Variants in GALNT10 observed in about 807,000 individuals in gnomAD.
The protein encoded by GALNT10 is GalNAc transferase 10.
Under a neutral mutation model 75.0 loss-of-function variants are expected in GALNT10, and 41 were observed. That is an observed-to-expected ratio of 0.55 (90% CI 0.43 to 0.71). GALNT10 has a LOEUF of 0.71. Ranked by LOEUF, GALNT10 falls within the 30% of genes least tolerant of loss-of-function variation. The pLI, the probability that GALNT10 is intolerant of heterozygous loss-of-function variation, is 0.00. For missense variants in GALNT10, 727 were observed against 818.5 expected, an observed-to-expected ratio of 0.89 and a Z score of 1.36; for synonymous variants, 302 against 313.0, an observed-to-expected ratio of 0.96 and a Z score of 0.37.
chr5:154,334,429 G>C (rs1475423731), intron 4 of GALNT10, among the ~76,000 whole-genome samples: 1 of 152,244 alleles, frequency 6.6e-6, no homozygotes, highest in African/African-American at 2.4e-5. Flanking sequence ...ATGTGGAAGG[G>C]AAAGATGGGC....
At chr5:154,199,381 A>G (rs919654664) in intron 1 of GALNT10, among the ~76,000 whole-genome samples, 1 of 152,038 alleles carries the variant, frequency 6.6e-6, no homozygotes, top group Non-Finnish European at 1.5e-5. Flanking sequence ...GTGCTTCAGG[A>G]CCCGCCCTTG....
At chr5:154,329,384 A>C in intron 3 of GALNT10, 188 bp from the exon 4 acceptor site, 1 of 597,996 alleles carries the variant, frequency 1.7e-6, no homozygotes. Flanking sequence ...GTATATGCAG[A>C]GATTGGAGGT....
At chr5:154,316,463 G>A (rs1754594865) in intron 3 of GALNT10, among the ~76,000 whole-genome samples, 1 of 152,218 alleles carries the variant, frequency 6.6e-6, no homozygotes, top group South Asian at 2.1e-4. Flanking sequence ...TTGATGGCAA[G>A]GCACAGGCCT....
At chr5:154,212,907 G>A (rs958457018) in intron 1 of GALNT10, among the ~76,000 whole-genome samples, 1 of 150,792 alleles carries the variant, frequency 6.6e-6, no homozygotes, top group African/African-American at 2.4e-5. Flanking sequence ...GGCGGAGCTT[G>A]CAGTGAGCGG....
At chr5:154,368,383 A>G (rs1188279252) in intron 4 of GALNT10, among the ~76,000 whole-genome samples, 1 of 152,192 alleles carries the variant, frequency 6.6e-6, no homozygotes, top group Non-Finnish European at 1.5e-5. Context: ...TGGCTGGTTG[A>G]TATTGAATTG....
In GALNT10 at chr5:154,190,935, C is replaced by T; in HGVS notation, c.69C>T (p.Pro23=). ...ALVLAALVLL[P]NVGLWALYRE... ...TGCTGGCGGCCCTGGTCCTCCTGCC[C>T]AACGTGGGGCTTTGGGCGCTGTACC... Residue 23 remains proline (P), a synonymous_variant, in exon 1 of 12, where the codon CCC becomes CCT. Coordinates refer to ENST00000297107, the MANE Select transcript of GALNT10 (RefSeq NM_198321.4). 5.3e-6 allele frequency: 8 copies of T among 1,507,706 alleles called. No individual in the cohort carries two copies. Among genetic ancestry groups the T allele is most frequent in the Non-Finnish European group, 7.1e-6 (8 of 1,130,472 alleles). 93.4% of individuals were successfully genotyped at this position (1,507,706 alleles called of 1,614,324 possible).
chr5:154,324,829 C>G (rs575472854), intron 3 of GALNT10, among the ~76,000 whole-genome samples: 2 of 152,140 alleles, frequency 1.3e-5, no homozygotes, highest in African/African-American at 4.8e-5. Context: ...CTCTTCTGAA[C>G]TAAAGCTAAA....
intron 4 of GALNT10, among the ~76,000 whole-genome samples, chr5:154,359,834 C>T (rs1755355460): frequency 1.3e-5 from 2 of 151,556 alleles, no homozygotes; most frequent in Non-Finnish European, 2.9e-5. Flanking sequence ...CACTCTACCC[C>T]ATCTTCCCTC....
intron 1 of GALNT10, among the ~76,000 whole-genome samples, chr5:154,202,958 G>A (rs186486053): frequency 4.4e-3 from 671 of 152,362 alleles, no homozygotes; most frequent in Middle Eastern, 0.01. Flanking sequence ...GGCAGCTGAG[G>A]GCTCCTGCCA....
intron 3 of GALNT10, among the ~76,000 whole-genome samples, chr5:154,309,735 G>A (rs545476466): frequency 6.6e-6 from 1 of 152,342 alleles, no homozygotes; most frequent in Admixed American, 6.5e-5. Flanking sequence ...ATGACTTTGG[G>A]AAGAGCAATT....
intron 5 of GALNT10, among the ~76,000 whole-genome samples, chr5:154,378,341 CATT>C (rs995166540): frequency 1.3e-5 from 2 of 152,146 alleles, no homozygotes; most frequent in African/African-American, 2.4e-5. Context: ...TCATCATCAT[CATT>C]ATCACGGCTC....
intron 1 of GALNT10, among the ~76,000 whole-genome samples, chr5:154,200,329 T>C (rs1234836183): frequency 6.7e-6 from 1 of 149,280 alleles, no homozygotes; most frequent in Non-Finnish European, 1.5e-5. Context: ...AGGTCTCCCT[T>C]GTGAGTTACA....
chr5:154,404,993 A>C (rs1756243662), intron 8 of GALNT10, among the ~76,000 whole-genome samples: 2 of 152,238 alleles, frequency 1.3e-5, no homozygotes, highest in Admixed American at 6.5e-5. Context: ...AAAAATAAAT[A>C]AATCCAGGTG....
intron 4 of GALNT10, among the ~76,000 whole-genome samples, chr5:154,363,767 T>C (rs1046710128): frequency 6.6e-6 from 1 of 152,186 alleles, no homozygotes; most frequent in African/African-American, 2.4e-5. Flanking sequence ...TAGCATTTGC[T>C]TCCTGACGCT....
At chr5:154,294,168 CT>C (rs1404386628) in intron 1 of GALNT10, among the ~76,000 whole-genome samples, 1 of 152,144 alleles carries the variant, frequency 6.6e-6, no homozygotes, top group Non-Finnish European at 1.5e-5. Context: ...AGGGTGACCC[CT>C]ATCACTACAA....
intron 1 of GALNT10, among the ~76,000 whole-genome samples, chr5:154,293,711 A>T (rs968923200): frequency 6.6e-6 from 1 of 151,364 alleles, no homozygotes; most frequent in Non-Finnish European, 1.5e-5. Flanking sequence ...TCAAGACCAT[A>T]CAGATGTCCA....
chr5:154,368,500 C>T (rs1410611378), intron 4 of GALNT10, among the ~76,000 whole-genome samples: 1 of 152,204 alleles, frequency 6.6e-6, no homozygotes, highest in Admixed American at 6.5e-5. Context: ...AAATGGCCGG[C>T]TTTCCAAGCT....
In GALNT10 at chr5:154,352,925, T is replaced by A. The variant is rs1483793990; in HGVS notation, c.568+23187T>A. 1.3e-5 allele frequency among the ~76,000 whole-genome samples: 2 copies of A among 152,170 alleles called. No individual in the cohort carries two copies. The highest frequency in any genetic ancestry group is 3.8e-4 in the East Asian group (2 of 5,196). On this transcript the variant is annotated intron_variant, in intron 4 of 11. Coordinates refer to ENST00000297107, the MANE Select transcript of GALNT10 (RefSeq NM_198321.4). This position sits in a 1 kb window ranked among gnomAD's most constrained non-coding sequence, Gnocchi z 4.4. Reference sequence around the variant, plus strand: ...CAAACTTTTTACATAGAATGCAATTTCCTTCTGTCTCAAGCTCTGTGTCAT... The same window carrying A: ...CAAACTTTTTACATAGAATGCAATTACCTTCTGTCTCAAGCTCTGTGTCAT...
chr5:154,267,372 G>T (rs1422965163), intron 1 of GALNT10, among the ~76,000 whole-genome samples: 1 of 152,194 alleles, frequency 6.6e-6, no homozygotes, highest in African/African-American at 2.4e-5. Context: ...ACCCAGACAT[G>T]CCTCTTGAAT....
Sources: gnomAD v4.1 joint callset for allele counts (sites outside exome capture counted in the v4.1 genomes callset) on GRCh38, gnomAD v4.1.1 for gene constraint, Gnocchi (gnomAD v3.1) non-coding constraint, MANE v1.5 for transcripts, NCBI Gene and HGNC (gene_info 2026-07-23, HGNC 2026-07-21) for gene names.